The following FNDC3B variants were observed in gnomAD, a reference collection of about 807,000 sequenced individuals.
The protein encoded by FNDC3B is fibronectin type III domain-containing protein 3B.
Under a neutral mutation model 151.5 loss-of-function variants are expected in FNDC3B, and 12 were observed. The ratio of observed to expected loss-of-function variants is 0.08; its 90% confidence interval spans 0.05 to 0.13. The LOEUF is 0.13. Among genes scored for constraint, FNDC3B ranks in the 10% least tolerant of loss-of-function variants. The probability of loss-of-function intolerance (pLI) is 1.00; values close to 1 mark genes in which losing one functional copy is unlikely to be tolerated. For synonymous variants in FNDC3B, 528 were observed against 549.0 expected (o/e 0.96, Z 0.54); for missense variants, 1,214 against 1,505.3 (o/e 0.81, Z 3.20).
intron 11 of FNDC3B, among the ~76,000 whole-genome samples, chr3:172,323,623 A>G (rs542996836): frequency 8.5e-5 from 13 of 152,288 alleles, no homozygotes; most frequent in African/African-American, 3.1e-4. Context: ...CATCTTGGAG[A>G]TGTTTTCAGG....
intron 23 of FNDC3B, among the ~76,000 whole-genome samples, chr3:172,375,522 A>G (rs1560105952): frequency 6.6e-6 from 1 of 152,180 alleles, no homozygotes. Flanking sequence ...GGTTAATTAC[A>G]TGACATAGGA....
rs547969405 is a variant in FNDC3B at position 172,169,351 on chromosome 3, C to A, written c.187+35805C>A. Among the ~76,000 whole-genome samples the A allele has an allele frequency of 3.3e-5, 5 of 152,338 alleles. No homozygotes were observed. In the South Asian group the frequency reaches 1.0e-3, roughly 32 times the overall value. The stretch of plus-strand genomic sequence containing the variant: ...CAGAATGATCTTTGCTGAGTGAGGC[C>A]TGCCTGTAGGAGCTAACTGGTATGT... On this transcript the variant is annotated intron_variant, in intron 3 of 25. Transcript: ENST00000415807.
chr3:172,050,348 G>A (rs1169946081), intron 1 of FNDC3B, among the ~76,000 whole-genome samples: 2 of 151,762 alleles, frequency 1.3e-5, no homozygotes, highest in East Asian at 3.9e-4. Flanking sequence ...TTGCAAGGGT[G>A]TGATAGTAAT....
At chr3:172,265,377 T>A (rs371101972) in intron 6 of FNDC3B, among the ~76,000 whole-genome samples, 1 of 152,178 alleles carries the variant, frequency 6.6e-6, no homozygotes, top group East Asian at 1.9e-4. Context: ...AGGTAATGTG[T>A]CCACTGCTAG....
intron 3 of FNDC3B, among the ~76,000 whole-genome samples, chr3:172,223,454 A>G (rs1158462784): frequency 1.3e-5 from 2 of 152,242 alleles, no homozygotes; most frequent in Non-Finnish European, 2.9e-5. Flanking sequence ...GCTACTCTTG[A>G]AATCAAGACT....
intron 2 of FNDC3B, among the ~76,000 whole-genome samples, chr3:172,116,097 C>T (rs1413210110): frequency 6.6e-6 from 1 of 152,122 alleles, no homozygotes; most frequent in Non-Finnish European, 1.5e-5. Flanking sequence ...TCATTTTGCG[C>T]AGGTAGGAGG....
Position 172,337,960 on chromosome 3 carries a change from T to A in FNDC3B, c.1852+559T>A, listed in dbSNP as rs1263560544. 5 of 152,890 alleles carry A rather than the reference T, an allele frequency of 3.3e-5. No individual in the cohort carries two copies. The East Asian group carries it at 9.6e-4, about 29-fold the overall frequency. 9.5% of individuals were successfully genotyped at this position (152,890 alleles called of 1,614,324 possible). ...CACACTCAGCTTCCATGTCTTTTTA[T>A]GAACTAGGGTTCCTAATTAATCAGA... On this transcript the variant is annotated intron_variant, in intron 16 of 25. Transcript: ENST00000415807.
At chr3:172,266,806 C>G (rs894031441) in intron 6 of FNDC3B, among the ~76,000 whole-genome samples, 10 of 152,206 alleles carry the variant, frequency 6.6e-5, no homozygotes, top group African/African-American at 2.4e-4. Context: ...ATCTGGATAA[C>G]TCAGGATAAT....
intron 1 of FNDC3B, among the ~76,000 whole-genome samples, chr3:172,048,982 T>C (rs886829816): frequency 1.3e-5 from 2 of 152,206 alleles, no homozygotes; most frequent in Non-Finnish European, 1.5e-5. Context: ...AGATAGTGTT[T>C]CATGGGTTTA....
chr3:172,307,456 T>G lies in FNDC3B; in HGVS notation c.1155T>G (p.Pro385=). The part of the protein sequence containing the change: ...HSCAPECPFP[P]KLAHRSKSSL... ...GTGCACCCGAGTGTCCTTTCCCCCC[T>G]AAGCTGGCACATAGGAGCAAAAGTT... The change falls in exon 10 of 26, where the codon CCT becomes CCG. Residue 385 remains proline (P), a synonymous_variant. Coordinates refer to ENST00000415807, the MANE Select transcript of FNDC3B (RefSeq NM_022763.4). 1 of 1,614,034 alleles carries G rather than the reference T, an allele frequency of 6.2e-7. No homozygotes were observed.
intron 3 of FNDC3B, among the ~76,000 whole-genome samples, chr3:172,202,487 G>T (rs1045216399): frequency 6.6e-6 from 1 of 152,134 alleles, no homozygotes; most frequent in East Asian, 1.9e-4. Context: ...GATCCCTCCC[G>T]TCCCCTGTTA....
intron 1 of FNDC3B, among the ~76,000 whole-genome samples, chr3:172,083,791 TACTA>T (rs1718404008): frequency 6.6e-6 from 1 of 152,028 alleles, no homozygotes; most frequent in East Asian, 1.9e-4. Flanking sequence ...AATAAAAAAA[TACTA>T]AAAGAAATCA....
In FNDC3B at chr3:172,255,047, T is replaced by C. The variant is rs540535984; in HGVS notation, c.790+3506T>C. 1.8e-4 allele frequency among the ~76,000 whole-genome samples: 27 copies of C among 152,334 alleles called. 1 individual carries two copies. The highest frequency in any genetic ancestry group is 9.6e-4 in the East Asian group (5 of 5,184). On this transcript the variant is annotated intron_variant, in intron 6 of 25. Coordinates refer to ENST00000415807, the MANE Select transcript of FNDC3B (RefSeq NM_022763.4). Reference sequence around the variant, plus strand: ...CTCTCATCTTTAGGACTCCTGTTATTATAGGATCACCTCTCATCTGAGATA... The same window carrying C: ...CTCTCATCTTTAGGACTCCTGTTATCATAGGATCACCTCTCATCTGAGATA...
chr3:172,215,450 G>A (rs959802690), intron 3 of FNDC3B, among the ~76,000 whole-genome samples: 4 of 152,196 alleles, frequency 2.6e-5, no homozygotes, highest in Admixed American at 2.6e-4. Flanking sequence ...GAGGCTGGGC[G>A]TGGTGGCTCA....
chr3:172,336,408 C>A (rs1201038751), intron 15 of FNDC3B, among the ~76,000 whole-genome samples: 1 of 152,154 alleles, frequency 6.6e-6, no homozygotes, highest in Non-Finnish European at 1.5e-5. Flanking sequence ...TAAGCCAGAA[C>A]CTTCTTCCTC....
chr3:172,267,331 T>C lies in FNDC3B; in HGVS notation c.790+15790T>C, dbSNP rs577236589. On this transcript the variant is annotated intron_variant, in intron 6 of 25. Transcript: ENST00000415807. ...CCACCATGCCTGGCTAATTTTTGTA[T>C]TTTTTGTAGAGACAGGGTTTCACCA... Among the ~76,000 whole-genome samples, 388 of 152,188 alleles carry C rather than the reference T, an allele frequency of 2.5e-3. 2 individuals carry two copies. Among genetic ancestry groups the C allele is most frequent in the Admixed American group, 4.6e-3 (71 of 15,286 alleles).
In FNDC3B at chr3:172,090,335, A is replaced by G. The variant is rs780871859; in HGVS notation, c.-28-22117A>G. Among the ~76,000 whole-genome samples, 9 of 152,310 alleles carry G rather than the reference A, an allele frequency of 5.9e-5. No homozygotes were observed. In the South Asian group the frequency reaches 6.2e-4, roughly 11 times the overall value. On this transcript the variant is annotated intron_variant, in intron 1 of 25. Coordinates refer to ENST00000415807, the MANE Select transcript of FNDC3B (RefSeq NM_022763.4). ...TCTCTAATTATCACTGAGCGGGGGC[A>G]GTGAATCTTTCTCAACTCTGCACTC...
intron 11 of FNDC3B, among the ~76,000 whole-genome samples, chr3:172,326,150 T>G (rs1236092582): frequency 1.3e-5 from 2 of 152,252 alleles, no homozygotes; most frequent in Non-Finnish European, 2.9e-5. Flanking sequence ...GTATTAAACT[T>G]CATGTTATAC....
chr3:172,222,816 C>T (rs979035246), intron 3 of FNDC3B, among the ~76,000 whole-genome samples: 1 of 152,160 alleles, frequency 6.6e-6, no homozygotes, highest in Non-Finnish European at 1.5e-5. Context: ...GGATTGGGCG[C>T]CCCTGCTCTT....
Sources: allele counts gnomAD v4.1 joint callset (sites outside exome capture counted in the v4.1 genomes callset), GRCh38; gene constraint gnomAD v4.1.1; transcripts MANE v1.5; gene names NCBI Gene and HGNC (gene_info 2026-07-23, HGNC 2026-07-21).